LRP1B: variants seen among roughly 807,000 people sequenced by gnomAD.
LRP1B encodes LDL receptor related protein 1B, also known as low-density lipoprotein receptor-related protein 1B.
LRP1B carries 217 observed loss-of-function variants against 556.6 expected under a neutral mutation model. That is an observed-to-expected ratio of 0.39 (90% confidence interval 0.35 to 0.44). The LOEUF is 0.44. Among genes scored for constraint, LRP1B ranks in the 20% least tolerant of loss-of-function variants. LRP1B has a pLI of 1.00. For missense variants in LRP1B, 5,053 were observed against 5,620.8 expected (o/e 0.90, Z 3.23); for synonymous variants, 2,047 against 1,865.8 (o/e 1.10, Z -2.50).
At chr2:140,714,185 TC>T (rs1274799511) in intron 37 of LRP1B, among the ~76,000 whole-genome samples, 2 of 152,152 alleles carry the variant, frequency 1.3e-5, no homozygotes, top group East Asian at 3.9e-4. Context: ...TCTACAAGTG[TC>T]TTTCATATGT....
rs1682586221 is a variant in LRP1B, at chr2:140,274,447, T to C, written c.13119A>G (p.Lys4373=). 1 of 1,612,534 alleles carries C rather than the reference T, an allele frequency of 6.2e-7. No homozygotes were observed. Among genetic ancestry groups the C allele is most frequent in the Admixed American group, 1.7e-5 (1 of 59,866 alleles). Residue 4373 remains lysine (K), a synonymous_variant, in exon 85 of 91, where the codon AAA becomes AAG. Transcript: ENST00000389484. The part of the protein sequence containing the change: ...RCHGGHCIIN[K]DSEDIFCNCT... ...ACTTGCAAAATATATCTTCACTGTC[T>C]TTATTTATAATGCAGTGCCCCCCAT...
intron 2 of LRP1B, among the ~76,000 whole-genome samples, chr2:141,797,464 T>A (rs1234894429): frequency 6.6e-6 from 1 of 151,908 alleles, no homozygotes; most frequent in Non-Finnish European, 1.5e-5. Context: ...GTTTTGGGCA[T>A]TGGAAAGGGA....
intron 6 of LRP1B, among the ~76,000 whole-genome samples, chr2:141,222,615 A>G (rs868209330): frequency 6.6e-6 from 1 of 152,160 alleles, no homozygotes; most frequent in African/African-American, 2.4e-5. Context: ...ATGAACATCA[A>G]TGCAAAAAAA....
intron 66 of LRP1B, among the ~76,000 whole-genome samples, chr2:140,389,853 C>T (rs936438333): frequency 3.3e-5 from 5 of 151,092 alleles, no homozygotes; most frequent in Admixed American, 2.0e-4. Flanking sequence ...AAAGGCTGGG[C>T]GTGGTGGTGG....
At chr2:140,698,444 AAAGT>A (rs1334871711) in intron 41 of LRP1B, among the ~76,000 whole-genome samples, 2 of 152,114 alleles carry the variant, frequency 1.3e-5, no homozygotes, top group Non-Finnish European at 2.9e-5. Context: ...CCTTCTAAGA[AAAGT>A]AACTATTTCT....
intron 3 of LRP1B, among the ~76,000 whole-genome samples, chr2:141,359,963 A>C (rs896682868): frequency 1.3e-5 from 2 of 151,938 alleles, no homozygotes; most frequent in African/African-American, 4.8e-5. Flanking sequence ...CAGATACACA[A>C]AACTGTAGAA....
At chr2:141,276,955 C>A (rs1416269784) in intron 3 of LRP1B, among the ~76,000 whole-genome samples, 1 of 152,108 alleles carries the variant, frequency 6.6e-6, no homozygotes, top group East Asian at 1.9e-4. Flanking sequence ...CGCTCCCGGC[C>A]CCCATCTCAT....
intron 20 of LRP1B, among the ~76,000 whole-genome samples, chr2:140,946,891 A>AT (rs1207325031): frequency 3.3e-5 from 5 of 152,202 alleles, no homozygotes; most frequent in African/African-American, 1.2e-4. Context: ...ATGCATCTGG[A>AT]GGCCATAATC....
At chr2:141,102,670 G>C (rs564475990) in intron 7 of LRP1B, among the ~76,000 whole-genome samples, 1 of 151,540 alleles carries the variant, frequency 6.6e-6, no homozygotes, top group African/African-American at 2.4e-5. Flanking sequence ...TAGGAAGATA[G>C]AAAAAAAAGG....
intron 51 of LRP1B, among the ~76,000 whole-genome samples, chr2:140,511,051 G>A (rs1018401576): frequency 1.3e-4 from 20 of 151,494 alleles, no homozygotes; most frequent in Non-Finnish European, 2.9e-5. Context: ...CAGAATTGAT[G>A]CTAAAAAAGA....
At chr2:140,938,264 A>G (rs1695289786) in intron 20 of LRP1B, among the ~76,000 whole-genome samples, 1 of 152,042 alleles carries the variant, frequency 6.6e-6, no homozygotes, top group Admixed American at 6.6e-5. Flanking sequence ...CTTTGTGTGA[A>G]CTGAATAGTG....
intron 66 of LRP1B, among the ~76,000 whole-genome samples, chr2:140,430,730 T>C (rs1297192437): frequency 6.6e-6 from 1 of 152,196 alleles, no homozygotes; most frequent in Non-Finnish European, 1.5e-5. Context: ...ACCTCTTCCA[T>C]GTAGGTTACA....
At chr2:140,618,779 G>A (rs887512394) in intron 41 of LRP1B, among the ~76,000 whole-genome samples, 2 of 151,966 alleles carry the variant, frequency 1.3e-5, no homozygotes, top group African/African-American at 4.8e-5. Flanking sequence ...AATAACACCT[G>A]GTCCCCTCAT....
At chr2:140,541,263 C>G (rs959331066) in intron 44 of LRP1B, among the ~76,000 whole-genome samples, 165 bp from the exon 45 acceptor site, 10 of 152,074 alleles carry the variant, frequency 6.6e-5, no homozygotes, top group African/African-American at 2.2e-4. Flanking sequence ...AGGCTAAGTA[C>G]ATTACAAAAG....
rs571823116 is a variant in LRP1B, at chr2:140,378,016, T to G, written c.10638+164A>C. Among the ~76,000 whole-genome samples the G allele has an allele frequency of 3.3e-5, 5 of 152,302 alleles. No homozygotes were observed. In the South Asian group the frequency reaches 1.0e-3, roughly 32 times the overall value. On this transcript the variant is annotated intron_variant, in intron 68 of 90. Transcript: ENST00000389484. Reference sequence around the variant, plus strand: ...ATAGCAGCACAAGAGCTATTCCCTGTGCTGGGGATGTGAAGCACAGCACAT... The same window carrying G: ...ATAGCAGCACAAGAGCTATTCCCTGGGCTGGGGATGTGAAGCACAGCACAT...
chr2:142,112,149 C>T (rs1707014999), intron 1 of LRP1B, among the ~76,000 whole-genome samples: 1 of 151,974 alleles, frequency 6.6e-6, no homozygotes, highest in Non-Finnish European at 1.5e-5. Context: ...ACCCAGAAAA[C>T]ATTCCGCCCA....
chr2:140,995,241 T>A (rs746839378), intron 15 of LRP1B, among the ~76,000 whole-genome samples: 1 of 152,066 alleles, frequency 6.6e-6, no homozygotes, highest in Non-Finnish European at 1.5e-5. Context: ...CAAAACAACA[T>A]GCAACATTTC....
chr2:141,560,573 TTC>T (rs1686110921), intron 2 of LRP1B, among the ~76,000 whole-genome samples: 1 of 73,144 alleles, frequency 1.4e-5, no homozygotes, highest in African/African-American at 6.4e-5. Context: ...CTAGATGAAA[TTC>T]TGAAATTCTG....
At chr2:141,482,452 T>A (rs986414735) in intron 2 of LRP1B, among the ~76,000 whole-genome samples, 2 of 152,198 alleles carry the variant, frequency 1.3e-5, no homozygotes, top group African/African-American at 2.4e-5. Context: ...GTAACATGCT[T>A]CTGTAACTTG....
Sources: allele counts gnomAD v4.1 joint callset (sites outside exome capture counted in the v4.1 genomes callset), GRCh38; gene constraint gnomAD v4.1.1; transcripts MANE v1.5; gene names NCBI Gene and HGNC (gene_info 2026-07-23, HGNC 2026-07-21).